Variants in ZFYVE26 observed in about 807,000 individuals in gnomAD.
The protein encoded by ZFYVE26 is zinc finger FYVE domain-containing protein 26.
A neutral mutation model predicts 276.5 loss-of-function variants in ZFYVE26; 181 were observed. That is an observed-to-expected ratio of 0.65 (90% CI 0.58 to 0.74). ZFYVE26 has a LOEUF of 0.74. ZFYVE26 is among the 30% of genes least tolerant of loss of function. ZFYVE26 has a pLI of 0.00. For missense variants in ZFYVE26, 2,821 were observed against 3,097.9 expected, an observed-to-expected ratio of 0.91 and a Z score of 2.12; for synonymous variants, 1,129 against 1,203.1, an observed-to-expected ratio of 0.94 and a Z score of 1.27.
chr14:67,777,694 C>T lies in ZFYVE26; in HGVS notation c.4839G>A (p.Val1613=). The T allele has an allele frequency of 6.2e-7, 1 of 1,614,150 alleles. No individual in the cohort carries two copies. Residue 1613 remains valine, a synonymous_variant, in exon 25 of 42, where the codon GTG becomes GTA. Transcript: ENST00000347230. ...RIPDPTMCLE[V]TEQSLDQHTS... is the part of the protein sequence containing the mutation. ...TGTGCTGGTCGAGGGATTGCTCTGT[C>T]ACTTCAAGGCACATGGTGGGGTCAG...
intron 13 of ZFYVE26, among the ~76,000 whole-genome samples, chr14:67,731,207 C>CTTTTTTTTTTTTTTTTTTTTTTTT (rs71129853): frequency 1.1e-5 from 1 of 90,622 alleles, no homozygotes; most frequent in African/African-American, 4.9e-5. Flanking sequence ...TTCTTTCTTT[C>CTTTTTTTTTTTTTTTTTTTTTTTT]TTTTTTTTTT....
intron 35 of ZFYVE26, among the ~76,000 whole-genome samples, chr14:67,757,861 C>T (rs1213496153): frequency 6.6e-6 from 1 of 152,046 alleles, no homozygotes; most frequent in Non-Finnish European, 1.5e-5. Flanking sequence ...AATACAGGCT[C>T]GTGCCACCAT....
intron 3 of ZFYVE26, among the ~76,000 whole-genome samples, chr14:67,809,782 CTTTTTTT>C (rs58842467): frequency 1.2e-4 from 15 of 120,106 alleles, no homozygotes; most frequent in Non-Finnish European, 1.9e-4. Context: ...ATTCTTTTCT[CTTTTTTT>C]TTTTTTTTTT....
intron 19 of ZFYVE26, 49 bp from the exon 20 acceptor site, chr14:67,784,485 G>C: frequency 6.5e-7 from 1 of 1,527,156 alleles, no homozygotes; most frequent in Non-Finnish European, 9.1e-7. Flanking sequence ...GACTGCAAGA[G>C]TTCAGAGCCC....
chr14:67,749,518 G>T (rs1355444705), intron 41 of ZFYVE26, among the ~76,000 whole-genome samples: 1 of 152,130 alleles, frequency 6.6e-6, no homozygotes, highest in Non-Finnish European at 1.5e-5. Context: ...GAGCAGAGAG[G>T]CCTTCATAAG....
At chr14:67,779,867 A>G (rs1031852312) in intron 23 of ZFYVE26, among the ~76,000 whole-genome samples, 1 of 152,104 alleles carries the variant, frequency 6.6e-6, no homozygotes, top group Non-Finnish European at 1.5e-5. Context: ...AGAATGTGGT[A>G]TAGTTATTTT....
chr14:67,793,701 A>G lies in ZFYVE26; in HGVS notation c.2460T>C (p.His820=). ...TCATGGGGATGAGTGAACTTTGAGG[A>G]TGGGGGTGCAATCTACTGTGCAGCT... ...RNELHSRLHP[H]PQSSLIPMMF... The change falls in exon 14 of 42, where the codon CAT becomes CAC. Residue 820 remains histidine, a synonymous_variant. Coordinates refer to ENST00000347230, the MANE Select transcript of ZFYVE26 (RefSeq NM_015346.4). 6.2e-7 allele frequency: 1 copy of G among 1,613,824 alleles called. No individual in the cohort carries two copies. The highest frequency in any genetic ancestry group is 1.3e-5 in the African/African-American group (1 of 74,978).
intron 16 of ZFYVE26, among the ~76,000 whole-genome samples, chr14:67,789,100 A>G (rs931752176): frequency 6.6e-6 from 1 of 152,210 alleles, no homozygotes; most frequent in African/African-American, 2.4e-5. Flanking sequence ...TTTAAAATGT[A>G]TATTTCTTCT....
intron 21 of ZFYVE26, among the ~76,000 whole-genome samples, chr14:67,781,992 C>T (rs997626523): frequency 6.6e-6 from 1 of 152,188 alleles, no homozygotes; most frequent in African/African-American, 2.4e-5. Flanking sequence ...TCTCTCTCTT[C>T]CACACCCATT....
At chr14:67,806,297 G>A (rs1421032096) in intron 6 of ZFYVE26, among the ~76,000 whole-genome samples, 1 of 152,214 alleles carries the variant, frequency 6.6e-6, no homozygotes, top group African/African-American at 2.4e-5. Context: ...CCTCCAGAAA[G>A]CACATACATA....
rs184674189 is a variant in ZFYVE26 at position 67,760,818 on chromosome 14, C to A, written c.6588+548G>T. 3.7e-3 allele frequency: 709 copies of A among 190,226 alleles called. 3 individuals carry two copies. Among genetic ancestry groups the A allele is most frequent in the Non-Finnish European group, 5.6e-3 (509 of 90,562 alleles). The allele number at this position is 190,226 out of a possible 1,614,324, so 11.8% of individuals were successfully genotyped here. A position where few individuals can be genotyped will look rare whatever the true frequency, so the allele number is the denominator to read the frequency against. On this transcript the variant is annotated intron_variant, in intron 35 of 41. Coordinates refer to ENST00000347230, the MANE Select transcript of ZFYVE26 (RefSeq NM_015346.4). ...AAAGATGTAATGTTCTTCAGTGGTGCCTTTGCTTCCAGTGGGAGGGGGGCA... is the reference window on the plus strand; with the variant it reads ...AAAGATGTAATGTTCTTCAGTGGTGACTTTGCTTCCAGTGGGAGGGGGGCA...
At chr14:67,745,222 T>C (rs1227137996), downstream of ZFYVE26, among the ~76,000 whole-genome samples, 2 of 152,248 alleles carry the variant, frequency 1.3e-5, no homozygotes, top group Non-Finnish European at 2.9e-5. Flanking sequence ...TTGAGAAGTA[T>C]CTGTTCATAT....
chr14:67,795,412 G>A lies in ZFYVE26; in HGVS notation c.2333-1173C>T, dbSNP rs533850824. ...TTGGTTCAAGAGTCAACTCCTTCAT[G>A]AAATCTGTTGCCCTGACATCTGCAG... On this transcript the variant is annotated intron_variant, in intron 12 of 41. Transcript: ENST00000347230. 5.5e-4 allele frequency among the ~76,000 whole-genome samples: 84 copies of A among 152,312 alleles called. 1 individual carries two copies. Among genetic ancestry groups the A allele is most frequent in the Admixed American group, 1.3e-3 (20 of 15,298 alleles).
chr14:67,733,801 C>T lies in ZFYVE26; in HGVS notation n.2680-3982G>A, dbSNP rs747119209. The T allele has an allele frequency of 4.3e-6, 7 of 1,613,284 alleles. No homozygotes were observed. Among genetic ancestry groups the T allele is most frequent in the East Asian group, 4.5e-5 (2 of 44,866 alleles). On this transcript the variant is annotated intron_variant and non_coding_transcript_variant, in intron 13 of 14. Transcript: ENST00000394455. ...GGCCCGAAATAACAAAACAGCTGAG[C>T]GCCTATGGAATGTCAGCTGTGAGCT...
chr14:67,791,254 T>C (rs1395252283), intron 14 of ZFYVE26, among the ~76,000 whole-genome samples: 1 of 152,190 alleles, frequency 6.6e-6, no homozygotes, highest in African/African-American at 2.4e-5. Context: ...CTTAAAAAAA[T>C]AATTCAAAAG....
downstream of ZFYVE26, among the ~76,000 whole-genome samples, chr14:67,745,996 C>A (rs188602279): frequency 2.8e-5 from 4 of 140,674 alleles, no homozygotes; most frequent in African/African-American, 1.1e-4. Context: ...TTTCACCCAT[C>A]GGACTAGCAT....
intron 15 of ZFYVE26, 121 bp downstream of exon 15, chr14:67,790,451 A>G (rs977076146): frequency 3.7e-6 from 4 of 1,075,760 alleles, no homozygotes; most frequent in Non-Finnish European, 5.6e-6. Flanking sequence ...TTTTCAAGGC[A>G]GGTGTCCTGT....
At position 67,798,439 on chromosome 14, in the gene ZFYVE26, T is replaced by C; in HGVS notation, c.1823A>G (p.Lys608Arg). ...DYAEDDDIEG[K>R]SPSGLRSPSE... is the part of the protein sequence containing the mutation. ...TGGGGACCTCAAACCTGAGGGGCTC[T>C]TCCCCTCAATGTCATCATCCTCAGC... Residue 608 changes from lysine (K) to arginine (R), a missense_variant, in exon 11 of 42, where the codon AAG becomes AGG. Transcript: ENST00000347230. 1 of 1,614,082 alleles carries C rather than the reference T, an allele frequency of 6.2e-7. No individual in the cohort carries two copies. Among genetic ancestry groups the C allele is most frequent in the South Asian group, 1.1e-5 (1 of 91,084 alleles).
At chr14:67,782,359 T>C (rs1392906926) in intron 21 of ZFYVE26, among the ~76,000 whole-genome samples, 1 of 152,210 alleles carries the variant, frequency 6.6e-6, no homozygotes, top group Non-Finnish European at 1.5e-5. Flanking sequence ...GCTTTCATGC[T>C]GTACTGGAGG....
Sources: allele counts gnomAD v4.1 joint callset (sites outside exome capture counted in the v4.1 genomes callset), GRCh38; gene constraint gnomAD v4.1.1; transcripts MANE v1.5; gene names NCBI Gene and HGNC (gene_info 2026-07-23, HGNC 2026-07-21).